Variants in BAZ2B observed in about 807,000 individuals in gnomAD.
BAZ2B encodes the protein bromodomain adjacent to zinc finger domain protein 2B.
Under a neutral mutation model 246.0 loss-of-function variants are expected in BAZ2B, and 91 were observed. The observed-to-expected ratio is 0.37, with a 90% CI of 0.31 to 0.44. BAZ2B has a LOEUF of 0.44. BAZ2B is among the 20% of genes least tolerant of loss of function. The pLI is 1.00. For synonymous variants in BAZ2B, 855 were observed against 860.0 expected, an observed-to-expected ratio of 0.99 and a Z score of 0.10; for missense variants, 2,332 against 2,533.7, an observed-to-expected ratio of 0.92 and a Z score of 1.71.
At chr2:159,410,641 T>G (rs1462774567) in intron 14 of BAZ2B, among the ~76,000 whole-genome samples, 2 of 152,242 alleles carry the variant, frequency 1.3e-5, no homozygotes, top group Non-Finnish European at 2.9e-5. Flanking sequence ...GGTCATAACT[T>G]TATAGCAGTG....
At chr2:159,414,876 A>G (rs936236019) in intron 13 of BAZ2B, among the ~76,000 whole-genome samples, 10 of 152,062 alleles carry the variant, frequency 6.6e-5, no homozygotes, top group Admixed American at 6.5e-5. Context: ...TACTCACAAC[A>G]ATGAAAAAAA....
chr2:159,701,901 G>A, the BAZ2B span, among the ~76,000 whole-genome samples: 1 of 151,830 alleles, frequency 6.6e-6, no homozygotes, highest in African/African-American at 2.4e-5. Context: ...GCTAATTTTT[G>A]TATTTTTAGT....
In BAZ2B at chr2:159,400,658, T is replaced by C; in HGVS notation, c.2839A>G (p.Ile947Val). ...QIKIMKQQEK[I>V]KRIQQIRMEK... Reference sequence around the variant, plus strand: ...ATTCTGATTTGCTGTATTCTCTTAATTTTTTCCTGTAGGAAAAGTTATGAT... The same window carrying C: ...ATTCTGATTTGCTGTATTCTCTTAACTTTTTCCTGTAGGAAAAGTTATGAT... Residue 947 changes from isoleucine (I) to valine (V), a missense_variant, in exon 17 of 37, where the codon ATT (isoleucine) becomes GTT (valine). Around this residue, in one of 9 missense-constraint regions of BAZ2B, gnomAD observed 651 missense variants for 650.9 expected, o/e 1.00. Coordinates refer to ENST00000392783, the MANE Select transcript of BAZ2B (RefSeq NM_013450.4). 6.4e-7 allele frequency: 1 copy of C among 1,554,156 alleles called. No homozygotes were observed. The highest frequency in any genetic ancestry group is 8.8e-7 in the Non-Finnish European group (1 of 1,135,406).
At chr2:159,581,835 C>A (rs1364413598) in intron 1 of BAZ2B, among the ~76,000 whole-genome samples, 2 of 148,940 alleles carry the variant, frequency 1.3e-5, no homozygotes, top group African/African-American at 2.5e-5. Flanking sequence ...GAAAACCAAA[C>A]ACCGCATGTT....
rs2084382094 is a variant in BAZ2B at position 159,523,542 on chromosome 2, A to G, written c.-3+32281T>C. ...AACATAGTGAAACCCTGTCTCTACT[A>G]AAAGTACAAAAATTAGCCGGGCATG... On this transcript the variant is annotated intron_variant, in intron 2 of 36. Transcript: ENST00000392783. Among the ~76,000 whole-genome samples the G allele has an allele frequency of 3.3e-5, 5 of 152,160 alleles. No homozygotes were observed. In the South Asian group the frequency reaches 1.0e-3, roughly 32 times the overall value.
chr2:159,432,659 A>T (rs1318653688), intron 9 of BAZ2B, 98 bp downstream of exon 9: 7 of 1,457,320 alleles, frequency 4.8e-6, no homozygotes, highest in Non-Finnish European at 6.4e-6. Flanking sequence ...GAAACATAGT[A>T]AATGACGCTG....
chr2:159,624,312 C>T, the BAZ2B span, among the ~76,000 whole-genome samples: 3 of 152,182 alleles, frequency 2.0e-5, no homozygotes, highest in South Asian at 2.1e-4. Flanking sequence ...AAGCCAGCAG[C>T]GGATATCCCA....
chr2:159,623,319 ATAAC>A, the BAZ2B span, among the ~76,000 whole-genome samples: 1 of 152,072 alleles, frequency 6.6e-6, no homozygotes, highest in African/African-American at 2.4e-5. Flanking sequence ...GTAATGCACT[ATAAC>A]TAACCACTGC....
At chr2:159,700,787 T>C in the BAZ2B span, among the ~76,000 whole-genome samples, 1 of 152,212 alleles carries the variant, frequency 6.6e-6, no homozygotes, top group African/African-American at 2.4e-5. Flanking sequence ...TTGAATATTT[T>C]TTGATATGTG....
the BAZ2B span, among the ~76,000 whole-genome samples, chr2:159,630,818 G>A: frequency 3.3e-5 from 5 of 151,876 alleles, no homozygotes; most frequent in African/African-American, 1.2e-4. Flanking sequence ...ACAGGCGTGA[G>A]CCACCGCGCC....
At chr2:159,395,474 T>C (rs1464808259) in intron 20 of BAZ2B, 1 of 203,980 alleles carries the variant, frequency 4.9e-6, no homozygotes, top group Non-Finnish European at 9.8e-6. Flanking sequence ...GTAATACTAG[T>C]TTTGTGAAAC....
intron 13 of BAZ2B, among the ~76,000 whole-genome samples, chr2:159,419,210 A>C (rs1217755590): frequency 1.3e-5 from 2 of 152,184 alleles, no homozygotes; most frequent in Admixed American, 1.3e-4. Context: ...ATGCATTTAC[A>C]TTACAGATGA....
At chr2:159,475,762 T>C (rs1363967157) in intron 3 of BAZ2B, among the ~76,000 whole-genome samples, 1 of 152,234 alleles carries the variant, frequency 6.6e-6, no homozygotes, top group Admixed American at 6.5e-5. Context: ...TTTGTTGATA[T>C]TGATGCTATT....
At chr2:159,336,084 C>T (rs1237806084) in intron 33 of BAZ2B, among the ~76,000 whole-genome samples, 1 of 152,116 alleles carries the variant, frequency 6.6e-6, no homozygotes, top group Admixed American at 6.5e-5. Context: ...TCCCCTGAAC[C>T]CAGGAGGCAG....
chr2:159,463,804 A>C (rs2076707811), intron 3 of BAZ2B: 2 of 152,142 alleles, frequency 1.3e-5, no homozygotes, highest in Non-Finnish European at 2.9e-5. Context: ...TCCCAGTTTC[A>C]AACAATTCTC....
chr2:159,325,129 A>ATATATATATAT (rs2063490827), intron 35 of BAZ2B, among the ~76,000 whole-genome samples, 175 bp from the exon 36 acceptor site: 1 of 37,078 alleles, frequency 2.7e-5, no homozygotes, highest in African/African-American at 1.2e-4. Context: ...ATATATATAT[A>ATATATATATAT]TATATATATA....
chr2:159,602,908 G>A (rs1163954709), intron 1 of BAZ2B, among the ~76,000 whole-genome samples: 2 of 152,308 alleles, frequency 1.3e-5, no homozygotes, highest in East Asian at 1.9e-4. Flanking sequence ...AGGCTGAGGA[G>A]GGTGGACTGC....
rs1399618755 is a variant in BAZ2B, at chr2:159,446,877, T to C, written c.601A>G (p.Lys201Glu). 6.2e-7 allele frequency: 1 copy of C among 1,613,708 alleles called. No individual in the cohort carries two copies. The highest frequency in any genetic ancestry group is 1.1e-5 in the South Asian group (1 of 91,074). ...TTASSSMGQTKSTSSGGGNRK... is the reference protein window; with the variant it reads ...TTASSSMGQTESTSSGGGNRK... ...TTTCCTCCACCTGAGCTTGTACTTT[T>C]AGTTTGTCCCATGGAACTTGAAGCA... The change falls in exon 6 of 37, where the codon AAA (lysine) becomes GAA (glutamate). Residue 201 changes from lysine to glutamate, a missense_variant. Physicochemically the swap from Lys to Glu is moderately conservative, Grantham distance 56. Around this residue, in one of 9 missense-constraint regions of BAZ2B, gnomAD observed 161 missense variants for 225.8 expected, o/e 0.71. Transcript: ENST00000392783.
chr2:159,365,829 A>G (rs2060160894), intron 27 of BAZ2B, among the ~76,000 whole-genome samples: 1 of 152,214 alleles, frequency 6.6e-6, no homozygotes, highest in African/African-American at 2.4e-5. Flanking sequence ...GTGCTTGGGC[A>G]TAAACGTGCC....
Sources: allele counts gnomAD v4.1 joint callset (sites outside exome capture counted in the v4.1 genomes callset), GRCh38; gene constraint gnomAD v4.1.1; regional missense constraint gnomAD v4.1.1; transcripts MANE v1.5; gene names NCBI Gene and HGNC (gene_info 2026-07-23, HGNC 2026-07-21).